Variants in ANK2 observed in about 807,000 individuals in gnomAD.
ANK2 encodes the protein ankyrin 2, also known as ankyrin-2.
Under a neutral mutation model 360.5 loss-of-function variants are expected in ANK2, and 83 were observed. The observed-to-expected ratio is 0.23, with a 90% CI of 0.19 to 0.28. ANK2 has a LOEUF of 0.28. Among genes scored for constraint, ANK2 ranks in the 10% least tolerant of loss-of-function variants. ANK2 has a pLI of 1.00. For missense variants in ANK2, 4,201 were observed against 4,795.7 expected (o/e 0.88, Z 3.66); for synonymous variants, 1,740 against 1,759.5 (o/e 0.99, Z 0.28).
At chr4:113,050,847 T>C (rs896009126) in intron 1 of ANK2, among the ~76,000 whole-genome samples, 1 of 152,210 alleles carries the variant, frequency 6.6e-6, no homozygotes, top group Non-Finnish European at 1.5e-5. Context: ...GTTTCAAAAT[T>C]CTAGATGTCT....
intron 23 of ANK2, among the ~76,000 whole-genome samples, chr4:113,306,198 A>G (rs2077164964): frequency 6.6e-6 from 1 of 152,240 alleles, no homozygotes; most frequent in African/African-American, 2.4e-5. Flanking sequence ...GTAAGGCACT[A>G]TGTTGTCAGT....
At chr4:112,848,861 C>T (rs2063963571) in intron 1 of ANK2, among the ~76,000 whole-genome samples, 1 of 152,298 alleles carries the variant, frequency 6.6e-6, no homozygotes, top group South Asian at 2.1e-4. Flanking sequence ...TTGGCTTTGA[C>T]TTACCTTCCC....
Position 113,259,899 on chromosome 4 carries a change from C to T in ANK2, c.1386+1488C>T, listed in dbSNP as rs116667045. Among the ~76,000 whole-genome samples, 1,046 of 151,022 alleles carry T rather than the reference C, an allele frequency of 6.9e-3. 7 individuals are homozygous for T. The highest frequency in any genetic ancestry group is 0.01 in the African/African-American group (413 of 41,130). On this transcript the variant is annotated intron_variant, in intron 13 of 45. Transcript: ENST00000357077. ...AAAAACAAACAACAACAACAGCAAC[C>T]AACAAAAGAAACAAGCAAACAAACA...
chr4:112,713,734 A>G, the ANK2 span, among the ~76,000 whole-genome samples: 1 of 151,870 alleles, frequency 6.6e-6, no homozygotes, highest in Non-Finnish European at 1.5e-5. Flanking sequence ...GATCGAGACC[A>G]TCCTGGCTAA....
the ANK2 span, among the ~76,000 whole-genome samples, chr4:112,758,464 G>A: frequency 6.6e-6 from 1 of 152,052 alleles, no homozygotes; most frequent in African/African-American, 2.4e-5. Context: ...AGGCTGGAGT[G>A]CAGCGGCTCA....
intron 1 of ANK2, among the ~76,000 whole-genome samples, chr4:113,101,329 C>T (rs1053301145): frequency 6.6e-5 from 10 of 151,984 alleles, no homozygotes; most frequent in Non-Finnish European, 1.5e-4. Flanking sequence ...CAGGCTTTGA[C>T]TAAATACAGA....
At chr4:113,021,364 G>A (rs988546075) in intron 2 of ANK2, among the ~76,000 whole-genome samples, 14 of 151,900 alleles carry the variant, frequency 9.2e-5, no homozygotes, top group African/African-American at 3.4e-4. Flanking sequence ...CTGAGATCAA[G>A]TTTGCCAAAA....
chr4:112,733,208 G>T, the ANK2 span, among the ~76,000 whole-genome samples: 2 of 151,810 alleles, frequency 1.3e-5, no homozygotes, highest in Non-Finnish European at 2.9e-5. Context: ...AAAACAAGAC[G>T]CTGCCTCAAA....
chr4:112,746,357 G>A, the ANK2 span, among the ~76,000 whole-genome samples: 5 of 151,968 alleles, frequency 3.3e-5, no homozygotes, highest in South Asian at 8.3e-4. Context: ...GATTGTGGTG[G>A]TAGAGTTATC....
chr4:112,918,963 T>A (rs969486006), intron 2 of ANK2, among the ~76,000 whole-genome samples: 4 of 152,218 alleles, frequency 2.6e-5, no homozygotes, highest in Non-Finnish European at 5.9e-5. Flanking sequence ...TCTGCTTTAA[T>A]TGACCCCTGA....
At chr4:112,820,138 A>C (rs183698902) in intron 1 of ANK2, among the ~76,000 whole-genome samples, 12 of 152,360 alleles carry the variant, frequency 7.9e-5, no homozygotes, top group African/African-American at 2.9e-4. Context: ...AATGGAAGAA[A>C]ATTATCCATT....
the ANK2 span, among the ~76,000 whole-genome samples, chr4:112,802,772 A>G: frequency 1.3e-5 from 2 of 152,208 alleles, no homozygotes; most frequent in Non-Finnish European, 2.9e-5. Context: ...GTTAAAACAA[A>G]AACAAAAACA....
upstream of ANK2, among the ~76,000 whole-genome samples, chr4:113,048,276 A>ATTTT (rs1165941601): frequency 1.0e-4 from 4 of 39,750 alleles, no homozygotes; most frequent in Non-Finnish European, 1.3e-4. Flanking sequence ...ATATATATAT[A>ATTTT]TTTTTTTTTT....
the ANK2 span, among the ~76,000 whole-genome samples, chr4:112,785,675 G>GT: frequency 1.3e-5 from 2 of 151,066 alleles, no homozygotes; most frequent in Admixed American, 6.6e-5. Flanking sequence ...TGGCCTTTTT[G>GT]TTTTTTTAAA....
intron 2 of ANK2, among the ~76,000 whole-genome samples, chr4:112,957,150 A>G (rs1327654887): frequency 6.6e-6 from 1 of 151,198 alleles, no homozygotes; most frequent in African/African-American, 2.4e-5. Flanking sequence ...TCCTAGGCAG[A>G]GGACCCTGCG....
the ANK2 span, among the ~76,000 whole-genome samples, chr4:112,805,684 C>A: frequency 3.3e-5 from 5 of 151,206 alleles, no homozygotes; most frequent in African/African-American, 1.2e-4. Context: ...CGGGTTCAAG[C>A]GATTCTCCTG....
chr4:112,824,136 C>CATCTATCTATCT (rs35729539), intron 1 of ANK2, among the ~76,000 whole-genome samples: 1,501 of 148,054 alleles, frequency 0.01, 10 homozygotes, highest in East Asian at 0.033. Flanking sequence ...AGGTCTTCAG[C>CATCTATCTATCT]ATCTATCTAT....
At chr4:113,101,828 T>C (rs1424590666) in intron 1 of ANK2, among the ~76,000 whole-genome samples, 1 of 152,110 alleles carries the variant, frequency 6.6e-6, no homozygotes, top group Non-Finnish European at 1.5e-5. Context: ...GACCAAGTTA[T>C]ACTGAAGTTG....
chr4:113,250,761 C>G lies in ANK2; in HGVS notation c.990+899C>G, dbSNP rs552444787. Among the ~76,000 whole-genome samples the G allele has an allele frequency of 3.3e-4, 46 of 137,894 alleles. 8 individuals carry two copies. In the Middle Eastern group the frequency reaches 0.018, roughly 54 times the overall value. 90.5% of individuals were successfully genotyped at this position (137,894 alleles called of 152,430 possible). A position where few individuals can be genotyped will look rare whatever the true frequency, so the allele number is the denominator to read the frequency against. On this transcript the variant is annotated intron_variant, in intron 10 of 45. Coordinates refer to ENST00000357077, the MANE Select transcript of ANK2 (RefSeq NM_001148.6). Reference sequence around the variant, plus strand: ...CATTCCACCTCATACCACCGCCCCCCCCCCCGACAGAGTTGGTATCAACTA... The same window carrying G: ...CATTCCACCTCATACCACCGCCCCCGCCCCCGACAGAGTTGGTATCAACTA...
Sources: allele counts gnomAD v4.1 joint callset (sites outside exome capture counted in the v4.1 genomes callset), GRCh38; gene constraint gnomAD v4.1.1; transcripts MANE v1.5; gene names NCBI Gene and HGNC (gene_info 2026-07-23, HGNC 2026-07-21).